The following NRXN3 variants were observed in gnomAD, a reference collection of about 807,000 sequenced individuals.
NRXN3 encodes neurexin III.
Under a neutral mutation model 137.6 loss-of-function variants are expected in NRXN3, and 32 were observed. The ratio of observed to expected loss-of-function variants is 0.23; its 90% CI spans 0.18 to 0.31. The LOEUF (loss-of-function observed/expected upper bound fraction) is 0.31, where lower values mean the gene tolerates loss of function less well. Ranked by LOEUF, NRXN3 falls within the 10% of genes least tolerant of loss-of-function variation. The probability of loss-of-function intolerance (pLI) is 1.00; values close to 1 mark genes in which losing one functional copy is unlikely to be tolerated. For missense variants in NRXN3, 1,574 were observed against 2,062.5 expected (o/e 0.76, Z 4.59); for synonymous variants, 798 against 784.5 (o/e 1.02, Z -0.29).
At chr14:78,404,009 C>A in intron 4 of NRXN3, 2 of 478,650 alleles carry the variant, frequency 4.2e-6, no homozygotes, top group Non-Finnish European at 5.4e-6. Context: ...AAATGTGGGG[C>A]AGAGGTTTGA....
chr14:79,259,242 C>T (rs370639765), intron 15 of NRXN3, among the ~76,000 whole-genome samples: 70 of 152,240 alleles, frequency 4.6e-4, no homozygotes, highest in African/African-American at 1.6e-3. Flanking sequence ...AAATAAAGAA[C>T]ATTGTGTGTC....
chr14:78,263,045 A>C (rs1404587433), intron 2 of NRXN3, among the ~76,000 whole-genome samples: 1 of 36,632 alleles, frequency 2.7e-5, no homozygotes, highest in Non-Finnish European at 5.1e-5. Flanking sequence ...TTTTTGGTGA[A>C]GTCACTTTTT....
intron 17 of NRXN3, among the ~76,000 whole-genome samples, chr14:79,685,326 T>G (rs180840992): frequency 3.0e-4 from 46 of 152,194 alleles, no homozygotes; most frequent in Middle Eastern, 3.4e-3. Flanking sequence ...CACTAAGACA[T>G]GGCTAAAACT....
In NRXN3 at chr14:79,861,567, T is replaced by C. The variant is rs758269301; in HGVS notation, c.4319T>C (p.Ile1440Thr). ...NNRDLKPQPD[I>T]VLLPLPTAYE... ...CGTGATCTCAAACCCCAGCCTGATA[T>C]AGTCTTGCTTCCGTTGCCCACTGCC... The change falls in exon 21 of 21, where the codon ATA becomes ACA. Residue 1440 changes from isoleucine to threonine, a missense_variant. Ile to Thr is a moderately conservative substitution (Grantham distance 89). Transcript: ENST00000335750. This position sits in a 1 kb window ranked among gnomAD's most constrained non-coding sequence, Gnocchi z 5.4. The C allele has an allele frequency of 5.0e-6, 8 of 1,593,906 alleles. No homozygotes were observed. Among genetic ancestry groups the C allele is most frequent in the Non-Finnish European group, 3.4e-6 (4 of 1,170,884 alleles).
intron 4 of NRXN3, among the ~76,000 whole-genome samples, chr14:78,448,930 GTC>G (rs914631951): frequency 6.6e-6 from 1 of 152,202 alleles, no homozygotes; most frequent in Admixed American, 6.5e-5. Flanking sequence ...TGTCTCAGCA[GTC>G]TCTCAGTTCC....
At chr14:79,431,144 A>G in intron 15 of NRXN3, among the ~76,000 whole-genome samples, 1 of 151,880 alleles carries the variant, frequency 6.6e-6, no homozygotes, top group African/African-American at 2.4e-5. Flanking sequence ...GAAGGTCATT[A>G]AAAAAAATTC....
intron 15 of NRXN3, among the ~76,000 whole-genome samples, chr14:79,250,546 G>A (rs1568784032): frequency 6.6e-6 from 1 of 152,092 alleles, no homozygotes; most frequent in African/African-American, 2.4e-5. Context: ...CAGTAAGGAA[G>A]CCAAGACACA....
At chr14:78,827,847 G>A (rs1255229790) in intron 10 of NRXN3, among the ~76,000 whole-genome samples, 3 of 152,194 alleles carry the variant, frequency 2.0e-5, no homozygotes, top group African/African-American at 4.8e-5. Context: ...TATAGTATTT[G>A]CATTCATGGA....
chr14:79,837,669 T>C (rs1359560590), intron 20 of NRXN3, among the ~76,000 whole-genome samples: 1 of 152,162 alleles, frequency 6.6e-6, no homozygotes, highest in East Asian at 1.9e-4. Context: ...TTTGATGTCA[T>C]TTTTTGTACA....
At chr14:78,579,585 C>T (rs1038701730) in intron 4 of NRXN3, among the ~76,000 whole-genome samples, 3 of 151,636 alleles carry the variant, frequency 2.0e-5, no homozygotes, top group Non-Finnish European at 4.4e-5. Context: ...GCTGGAGGCA[C>T]GTGGTTATAT....
chr14:79,181,721 C>G (rs954551916), intron 15 of NRXN3, among the ~76,000 whole-genome samples: 1 of 148,332 alleles, frequency 6.7e-6, no homozygotes, highest in Non-Finnish European at 1.5e-5. Flanking sequence ...AACATGAAAA[C>G]TTATTTTTTT....
intron 4 of NRXN3, among the ~76,000 whole-genome samples, chr14:78,523,440 A>G (rs1401465201): frequency 1.3e-5 from 2 of 152,236 alleles, no homozygotes; most frequent in Non-Finnish European, 2.9e-5. Flanking sequence ...TCTCTGCCTC[A>G]TAAATCAAAT....
At chr14:78,782,582 G>T (rs1305961486) in intron 8 of NRXN3, among the ~76,000 whole-genome samples, 7 of 152,192 alleles carry the variant, frequency 4.6e-5, no homozygotes, top group Non-Finnish European at 4.4e-5. Flanking sequence ...TGCCTAATAT[G>T]TGACAGGGAC....
chr14:79,024,942 T>G (rs1168342515), intron 15 of NRXN3, among the ~76,000 whole-genome samples: 2 of 152,166 alleles, frequency 1.3e-5, no homozygotes, highest in Non-Finnish European at 2.9e-5. Context: ...TTCTTCTACT[T>G]TATAGATATT....
intron 4 of NRXN3, among the ~76,000 whole-genome samples, chr14:78,321,665 G>T (rs2079383979): frequency 6.6e-6 from 1 of 151,996 alleles, no homozygotes; most frequent in Admixed American, 6.5e-5. Flanking sequence ...TGGGGTTCTT[G>T]GTTCCATGGT....
intron 16 of NRXN3, among the ~76,000 whole-genome samples, chr14:79,568,775 A>G (rs1383936363): frequency 1.3e-5 from 2 of 152,106 alleles, no homozygotes; most frequent in East Asian, 1.9e-4. Flanking sequence ...TCTATATTCC[A>G]TCAGAGGAAA....
At chr14:78,651,133 G>A (rs771682642) in intron 5 of NRXN3, 32 bp from the exon 6 acceptor site, 1 of 1,604,240 alleles carries the variant, frequency 6.2e-7, no homozygotes, top group South Asian at 1.1e-5. Flanking sequence ...GTCATTGTTG[G>A]GATTTTTTTT....
intron 16 of NRXN3, among the ~76,000 whole-genome samples, chr14:79,518,018 G>GCCTCAGC (rs949092021): frequency 7.0e-6 from 1 of 142,496 alleles, no homozygotes; most frequent in African/African-American, 2.6e-5. Context: ...CAATTTTCCT[G>GCCTCAGC]CCTCAGCCTG....
At chr14:79,007,495 CCAAA>C (rs928407828) in intron 15 of NRXN3, among the ~76,000 whole-genome samples, 2 of 150,284 alleles carry the variant, frequency 1.3e-5, no homozygotes, top group Non-Finnish European at 3.0e-5. Flanking sequence ...AATCAACCAA[CCAAA>C]CAAACAAACA....
Sources: gnomAD v4.1 joint callset for allele counts (sites outside exome capture counted in the v4.1 genomes callset) on GRCh38, gnomAD v4.1.1 for gene constraint, Gnocchi (gnomAD v3.1) non-coding constraint, MANE v1.5 for transcripts, NCBI Gene and HGNC (gene_info 2026-07-23, HGNC 2026-07-21) for gene names.